Variants in ABCA6 observed in about 807,000 individuals in gnomAD.
The protein encoded by ABCA6 is ATP binding cassette subfamily A member 6.
Under a neutral mutation model 191.2 loss-of-function variants are expected in ABCA6, and 164 were observed. The observed-to-expected ratio is 0.86, with a 90% CI of 0.76 to 0.98. The LOEUF is 0.98. Among genes scored for constraint, ABCA6 ranks in the 50% least tolerant of loss-of-function variants. The pLI is 0.00. For missense variants in ABCA6, 1,958 were observed against 1,894.1 expected (o/e 1.03, Z -0.63); for synonymous variants, 636 against 647.7 (o/e 0.98, Z 0.27).
rs772108840 is a variant in ABCA6 at position 69,085,718 on chromosome 17, TGAAA to T, written c.3938-6_3938-3del. 155 of 1,582,938 alleles carry T rather than the reference TGAAA, an allele frequency of 9.8e-5. No homozygotes were observed. The highest frequency in any genetic ancestry group is 8.3e-4 in the Middle Eastern group (5 of 5,998). ...GTCCTAGCAATCCCAAAATTTCACCTGAAAGAAAGAATCAGACTATCAATATTGG... is the reference window on the plus strand; with the variant it reads ...GTCCTAGCAATCCCAAAATTTCACCTGAAAGAATCAGACTATCAATATTGG... On this transcript the variant is annotated splice_polypyrimidine_tract_variant and splice_region_variant and intron_variant, in intron 30 of 38. Coordinates refer to ENST00000284425, the MANE Select transcript of ABCA6 (RefSeq NM_080284.3).
chr17:69,085,165 G>T lies in ABCA6; in HGVS notation c.4047C>A (p.Cys1349Ter). 2 of 1,609,720 alleles carry T rather than the reference G, an allele frequency of 1.2e-6. No individual in the cohort carries two copies. The highest frequency in any genetic ancestry group is 1.7e-6 in the Non-Finnish European group (2 of 1,178,338). The change falls in exon 32 of 39, where the codon TGC becomes TGA. Residue 1349 changes from cysteine to a stop codon, truncating the protein, a stop_gained. Transcript: ENST00000284425. LOFTEE classifies it high-confidence loss of function. Reference sequence around the variant, plus strand: ...ACCCCAGGTGGCCCAAAACTGAACTGCAGCCTTTCAGTTCCACCTAAAAAA... The same window carrying T: ...ACCCCAGGTGGCCCAAAACTGAACTTCAGCCTTTCAGTTCCACCTAAAAAA... ...PTAGEVELKG[C>*]SSVLGHLGYC...
In ABCA6 at chr17:69,088,277, AG is replaced by A. The variant is rs1156237618; in HGVS notation, c.3607-20del. On this transcript the variant is annotated intron_variant, in intron 27 of 38. Coordinates refer to ENST00000284425, the MANE Select transcript of ABCA6 (RefSeq NM_080284.3). ...AGTAGGGCTATGAGCAAAGAAATAC[AG>A]TTATATTTAGGCATAAGTTCACAAA... The A allele has an allele frequency of 6.5e-7, 1 of 1,538,244 alleles. No homozygotes were observed. Among genetic ancestry groups the A allele is most frequent in the Admixed American group, 1.9e-5 (1 of 53,174 alleles).
rs1305553853 is a variant in ABCA6, at chr17:69,106,083, T to C, written c.2518A>G (p.Met840Val). Residue 840 changes from methionine to valine, a missense_variant, in exon 19 of 39, where the codon ATG becomes GTG. Physicochemically the swap from Met to Val is conservative, Grantham distance 21 (BLOSUM62 1). Coordinates refer to ENST00000284425, the MANE Select transcript of ABCA6 (RefSeq NM_080284.3). ...AACTTTAAGAAACGGAGCCGTGCCA[T>C]GGCAAAGACTTGCATTCTCCAGAGG... is the stretch of plus-strand genomic sequence containing the variant. ...MGLWRMQVFA[M>V]ARLRFLKLKR... 1 of 1,613,604 alleles carries C rather than the reference T, an allele frequency of 6.2e-7. No homozygotes were observed. Among genetic ancestry groups the C allele is most frequent in the Non-Finnish European group, 8.5e-7 (1 of 1,179,790 alleles).
chr17:69,100,879 A>T lies in ABCA6; in HGVS notation c.2930T>A (p.Leu977His). 1 of 1,611,268 alleles carries T rather than the reference A, an allele frequency of 6.2e-7. No homozygotes were observed. The highest frequency in any genetic ancestry group is 2.2e-5 in the East Asian group (1 of 44,742). Residue 977 changes from leucine (L) to histidine (H), a missense_variant, in exon 22 of 39, where the codon CTT becomes CAT. Leu to His is a moderately conservative substitution (Grantham distance 99). Transcript: ENST00000284425. The part of the protein sequence containing the change: ...NTKRLHCFPI[L>H]MNIISNGLLQ... Reference sequence around the variant, plus strand: ...TAGCCCATTGCTGATAATATTCATAAGAATTGGAAAACAGTGCAATCTCTT... The same window carrying T: ...TAGCCCATTGCTGATAATATTCATATGAATTGGAAAACAGTGCAATCTCTT...
At chr17:69,124,836 T>A in intron 9 of ABCA6, 52 bp downstream of exon 9, 1 of 1,045,054 alleles carries the variant, frequency 9.6e-7, no homozygotes, top group Non-Finnish European at 1.3e-6. Context: ...AAAAAATATA[T>A]TCAATGTAAT....
intron 31 of ABCA6, 51 bp from the exon 32 acceptor site, chr17:69,085,233 C>G: frequency 6.5e-7 from 1 of 1,529,684 alleles, no homozygotes; most frequent in Non-Finnish European, 8.8e-7. Context: ...ATTCCAATAG[C>G]GTAATTACTC....
At position 69,107,730 on chromosome 17, in the gene ABCA6, A is replaced by G. The variant is rs2073335497; in HGVS notation, c.2355T>C (p.Phe785=). 1 of 1,612,242 alleles carries G rather than the reference A, an allele frequency of 6.2e-7. No individual in the cohort carries two copies. The highest frequency in any genetic ancestry group is 8.5e-7 in the Non-Finnish European group (1 of 1,178,882). Residue 785 remains phenylalanine (F), a synonymous_variant, in exon 18 of 39, where the codon TTT becomes TTC. Coordinates refer to ENST00000284425, the MANE Select transcript of ABCA6 (RefSeq NM_080284.3). The part of the protein sequence containing the change: ...DISMSTLNEV[F]MKLEGQSTIE... Reference sequence around the variant, plus strand: ...TAGTTGACTGTCCTTCCAGTTTCATAAAGACTTCATTTAGAGTTGACATGG... The same window carrying G: ...TAGTTGACTGTCCTTCCAGTTTCATGAAGACTTCATTTAGAGTTGACATGG...
Position 69,102,883 on chromosome 17 carries a change from A to C in ABCA6, c.2826T>G (p.Thr942=), listed in dbSNP as rs769681288. The C allele has an allele frequency of 1.0e-5, 16 of 1,602,570 alleles. No individual in the cohort carries two copies. The highest frequency in any genetic ancestry group is 1.7e-5 in the Admixed American group (1 of 57,378). Residue 942 remains threonine, a synonymous_variant, in exon 21 of 39, where the codon ACT becomes ACG. Coordinates refer to ENST00000284425, the MANE Select transcript of ABCA6 (RefSeq NM_080284.3). ...TAGCTCCATTGTATGAGAGGCCATCAGTACCATTTCTGTTTTCAAAGTCAT... is the reference window on the plus strand; with the variant it reads ...TAGCTCCATTGTATGAGAGGCCATCCGTACCATTTCTGTTTTCAAAGTCAT... ...EVDDFENRNG[T]DGLSYNGAII... is the part of the protein sequence containing the mutation.
chr17:69,098,811 G>A (rs1306143293), intron 22 of ABCA6, among the ~76,000 whole-genome samples: 3 of 151,968 alleles, frequency 2.0e-5, no homozygotes. Context: ...ATGGGGGAGG[G>A]GGAAAGCTAA....
intron 36 of ABCA6, among the ~76,000 whole-genome samples, chr17:69,082,258 C>T (rs140232532): frequency 3.3e-4 from 50 of 151,904 alleles, no homozygotes; most frequent in African/African-American, 7.5e-4. Flanking sequence ...CTTATCTCTC[C>T]ACGGGAATTT....
intron 34 of ABCA6, among the ~76,000 whole-genome samples, chr17:69,083,760 C>T (rs1036667330): frequency 2.0e-5 from 3 of 151,976 alleles, no homozygotes; most frequent in African/African-American, 7.3e-5. Context: ...GGAAAAGTAT[C>T]GGACAGTGAC....
At position 69,085,046 on chromosome 17, in the gene ABCA6, G is replaced by T. The variant is rs767787424; in HGVS notation, c.4166C>A (p.Ala1389Glu). The change falls in exon 32 of 39, where the codon GCG becomes GAG. Residue 1389 changes from alanine to glutamate, a missense_variant. By Grantham distance (107) the Ala-to-Glu change is moderately radical. Coordinates refer to ENST00000284425, the MANE Select transcript of ABCA6 (RefSeq NM_080284.3). ...AAVKGLRKADARLAIARLVSA... is the reference protein window; with the variant it reads ...AAVKGLRKADERLAIARLVSA... ...TCTGTACCTTGCGATGGCGAGCCTC[G>T]CGTCCGCTTTCCTGAGCCCCTTGAC... 1.2e-6 allele frequency: 2 copies of T among 1,610,578 alleles called. No homozygotes were observed. The highest frequency in any genetic ancestry group is 1.7e-5 in the Admixed American group (1 of 58,652).
intron 25 of ABCA6, among the ~76,000 whole-genome samples, chr17:69,093,977 G>A (rs2072991369): frequency 6.6e-6 from 1 of 152,096 alleles, no homozygotes; most frequent in East Asian, 1.9e-4. Context: ...CCTTGCCTCT[G>A]GAATATTGTC....
chr17:69,102,914 TC>T lies in ABCA6; in HGVS notation c.2794del (p.Glu932LysfsTer2), dbSNP rs2073213415. 6.3e-7 allele frequency: 1 copy of T among 1,585,714 alleles called. No homozygotes were observed. Among genetic ancestry groups the T allele is most frequent in the African/African-American group, 1.3e-5 (1 of 74,092 alleles). ...ATTTCTGTTTTCAAAGTCATCTACT[TC>T]CAAAAGTATATTTTGATGCTTCAGT... ...KSLKHQNILLEVDDFENRNGT... is the reference protein window; with the variant it reads ...KSLKHQNILLXVDDFENRNGT... On this transcript the variant is annotated frameshift_variant, in exon 21 of 39. Transcript: ENST00000284425. LOFTEE classifies it high-confidence loss of function.
At chr17:69,109,558 A>C (rs961591032) in intron 17 of ABCA6, 1 of 152,182 alleles carries the variant, frequency 6.6e-6, no homozygotes, top group East Asian at 1.9e-4. Flanking sequence ...CATTTTCCAC[A>C]GTTTCAATTA....
intron 4 of ABCA6, chr17:69,135,769 T>C (rs2073936973): frequency 4.7e-6 from 2 of 424,734 alleles, no homozygotes; most frequent in African/African-American, 4.1e-5. Context: ...CTTTTTCTTG[T>C]ACTTGTCATT....
Position 69,128,744 on chromosome 17 carries a change from C to A in ABCA6, c.994G>T (p.Val332Leu). 1 of 1,612,492 alleles carries A rather than the reference C, an allele frequency of 6.2e-7. No individual in the cohort carries two copies. Among genetic ancestry groups the A allele is most frequent in the Non-Finnish European group, 8.5e-7 (1 of 1,179,102 alleles). The change falls in exon 8 of 39, where the codon GTG becomes TTG. Residue 332 changes from valine to leucine, a missense_variant. Transcript: ENST00000284425. Reference sequence around the variant, plus strand: ...CCCCAAAAGAGGGTAAGGAGAAACACAACCAAATTGGTGAGGACAGCTTTC... The same window carrying A: ...CCCCAAAAGAGGGTAAGGAGAAACAAAACCAAATTGGTGAGGACAGCTTTC... The part of the protein sequence containing the change: ...LKKAVLTNLV[V>L]FLLTLFWGCL...
At chr17:69,123,491 C>A (rs1427659199) in intron 9 of ABCA6, 84 bp from the exon 10 acceptor site, 2 of 995,958 alleles carry the variant, frequency 2.0e-6, no homozygotes, top group East Asian at 3.1e-5. Context: ...ATGCAGAATG[C>A]CTTGAAGTTT....
In ABCA6 at chr17:69,137,382, C is replaced by T; in HGVS notation, c.215G>A (p.Ser72Asn). The change falls in exon 3 of 39, where the codon AGC becomes AAC. Residue 72 changes from serine to asparagine, a missense_variant. Coordinates refer to ENST00000284425, the MANE Select transcript of ABCA6 (RefSeq NM_080284.3). ...TGTATACACAACCATTAAAGAAGAG[C>T]TATTAAATTTATCTACCCTTCCCAG... Reference protein sequence around the residue: ...QNLGRVDKFNSSSLMVVYTPI... With the variant: ...QNLGRVDKFNNSSLMVVYTPI... The T allele has an allele frequency of 6.2e-7, 1 of 1,613,628 alleles. No individual in the cohort carries two copies. Among genetic ancestry groups the T allele is most frequent in the South Asian group, 1.1e-5 (1 of 91,078 alleles).
Sources: allele counts gnomAD v4.1 joint callset (sites outside exome capture counted in the v4.1 genomes callset), GRCh38; gene constraint gnomAD v4.1.1; transcripts MANE v1.5; gene names NCBI Gene and HGNC (gene_info 2026-07-23, HGNC 2026-07-21).